MAP2: variants seen among roughly 807,000 people sequenced by gnomAD.
The protein encoded by MAP2 is microtubule-associated protein 2.
Under a neutral mutation model 137.6 loss-of-function variants are expected in MAP2, and 14 were observed. The observed-to-expected ratio is 0.10, with a 90% CI of 0.07 to 0.16. The LOEUF is 0.16. Ranked by LOEUF, MAP2 falls within the 10% of genes least tolerant of loss-of-function variation. The probability of loss-of-function intolerance (pLI) is 1.00; values close to 1 mark genes in which losing one functional copy is unlikely to be tolerated. For missense variants in MAP2, 2,088 were observed against 2,191.5 expected, an observed-to-expected ratio of 0.95 and a Z score of 0.94; for synonymous variants, 786 against 782.3, an observed-to-expected ratio of 1.00 and a Z score of -0.08.
intron 5 of MAP2, among the ~76,000 whole-genome samples, chr2:209,673,358 G>A (rs1452432472): frequency 6.6e-6 from 1 of 151,512 alleles, no homozygotes; most frequent in Non-Finnish European, 1.5e-5. Context: ...TTATCATATT[G>A]ACACTACCGA....
intron 3 of MAP2, among the ~76,000 whole-genome samples, chr2:209,584,161 T>G (rs1355640282): frequency 6.6e-6 from 1 of 152,050 alleles, no homozygotes; most frequent in Non-Finnish European, 1.5e-5. Flanking sequence ...TTATGGATAA[T>G]TTATTAAGGG....
At chr2:209,565,081 C>G (rs78734844) in intron 2 of MAP2, among the ~76,000 whole-genome samples, 2,995 of 152,304 alleles carry the variant, frequency 0.02, 94 homozygotes, top group African/African-American at 0.068. Flanking sequence ...GCTTCACTTT[C>G]ATTAGGCTTC....
At chr2:209,558,574 C>G (rs988300105) in intron 2 of MAP2, among the ~76,000 whole-genome samples, 1 of 151,402 alleles carries the variant, frequency 6.6e-6, no homozygotes, top group Non-Finnish European at 1.5e-5. Context: ...CAGACATTCT[C>G]ATTACTACAA....
intron 4 of MAP2, among the ~76,000 whole-genome samples, chr2:209,639,995 GAA>G (rs2093885367): frequency 6.6e-6 from 1 of 152,086 alleles, no homozygotes; most frequent in Non-Finnish European, 1.5e-5. Flanking sequence ...TATCTTTCTA[GAA>G]AGTGTTGCCT....
intron 3 of MAP2, among the ~76,000 whole-genome samples, chr2:209,591,628 A>T (rs538837342): frequency 1.3e-5 from 2 of 152,352 alleles, no homozygotes; most frequent in South Asian, 4.1e-4. Flanking sequence ...GGACCAAAAG[A>T]AAATGAAAGT....
intron 11 of MAP2, among the ~76,000 whole-genome samples, chr2:209,701,650 A>G (rs939117622): frequency 1.1e-4 from 17 of 151,992 alleles, no homozygotes; most frequent in African/African-American, 4.1e-4. Flanking sequence ...CATTTCTTTG[A>G]TCTTGAACCT....
intron 3 of MAP2, among the ~76,000 whole-genome samples, chr2:209,615,483 G>A (rs962792617): frequency 6.6e-6 from 1 of 152,202 alleles, no homozygotes; most frequent in Admixed American, 6.5e-5. Context: ...TAATACAGTA[G>A]TGCTAAGTGG....
intron 5 of MAP2, among the ~76,000 whole-genome samples, chr2:209,676,617 C>T (rs2051633570): frequency 6.6e-6 from 1 of 150,442 alleles, no homozygotes; most frequent in Admixed American, 6.7e-5. Flanking sequence ...CCATGTGAAC[C>T]AGCACAATTC....
chr2:209,435,997 C>T (rs11272042), intron 1 of MAP2, among the ~76,000 whole-genome samples: 58,538 of 76,646 alleles, frequency 0.76, 20,307 homozygotes, highest in South Asian at 0.83. Flanking sequence ...ATATTATATA[C>T]TATATATACA....
intron 7 of MAP2, among the ~76,000 whole-genome samples, chr2:209,683,900 G>A (rs2055896969): frequency 6.6e-6 from 1 of 151,784 alleles, no homozygotes; most frequent in Non-Finnish European, 1.5e-5. Flanking sequence ...TTTCCCAAAG[G>A]GGAAGCATGA....
chr2:209,679,226 C>T (rs1445144516), intron 6 of MAP2, among the ~76,000 whole-genome samples: 1 of 151,902 alleles, frequency 6.6e-6, no homozygotes, highest in East Asian at 1.9e-4. Context: ...TGCTCTCTCC[C>T]TTAGTAACAA....
chr2:209,604,612 G>A (rs572681033), intron 3 of MAP2, among the ~76,000 whole-genome samples: 11 of 152,088 alleles, frequency 7.2e-5, no homozygotes, highest in Non-Finnish European at 1.6e-4. Flanking sequence ...TATTTTAACC[G>A]AGTAACCCTA....
intron 3 of MAP2, among the ~76,000 whole-genome samples, chr2:209,603,139 GAGA>G (rs907215231): frequency 9.2e-5 from 14 of 152,178 alleles, no homozygotes; most frequent in African/African-American, 3.4e-4. Context: ...TAAGCTTGGA[GAGA>G]AGAATAGTTG....
chr2:209,496,860 A>G (rs1364531251), intron 1 of MAP2, among the ~76,000 whole-genome samples: 2 of 152,070 alleles, frequency 1.3e-5, no homozygotes, highest in East Asian at 1.9e-4. Flanking sequence ...CAGTGGTGCA[A>G]TCATAGCTCA....
intron 2 of MAP2, among the ~76,000 whole-genome samples, chr2:209,549,234 C>T (rs1303875694): frequency 6.6e-6 from 1 of 152,292 alleles, no homozygotes; most frequent in East Asian, 1.9e-4. Flanking sequence ...CTAAACCTAT[C>T]ACTGGGCAAG....
At chr2:209,493,719 A>C (rs2059407036) in intron 1 of MAP2, among the ~76,000 whole-genome samples, 1 of 152,262 alleles carries the variant, frequency 6.6e-6, no homozygotes, top group African/African-American at 2.4e-5. Flanking sequence ...AAAGCAAATC[A>C]AAACCACAAT....
rs570794154 is a variant in MAP2, at chr2:209,502,842, T to G, written c.-221-4750T>G. 2.9e-4 allele frequency among the ~76,000 whole-genome samples: 44 copies of G among 152,290 alleles called. 1 individual carries two copies. The highest frequency in any genetic ancestry group is 9.9e-4 in the African/African-American group (41 of 41,556). On this transcript the variant is annotated intron_variant, in intron 1 of 15. Transcript: ENST00000682079. Reference sequence around the variant, plus strand: ...TTCATTTCTCTGATGATTTCTGATATTAAACACCTTTTCATAAACTTGTTA... The same window carrying G: ...TTCATTTCTCTGATGATTTCTGATAGTAAACACCTTTTCATAAACTTGTTA...
intron 3 of MAP2, among the ~76,000 whole-genome samples, chr2:209,587,915 G>A (rs1395665433): frequency 1.3e-5 from 2 of 152,136 alleles, no homozygotes; most frequent in Non-Finnish European, 2.9e-5. Flanking sequence ...ATTTAAAATT[G>A]CAATGAAGTA....
At chr2:209,527,941 C>T (rs2064329490) in intron 2 of MAP2, among the ~76,000 whole-genome samples, 1 of 152,166 alleles carries the variant, frequency 6.6e-6, no homozygotes, top group Admixed American at 6.6e-5. Context: ...CCTGTAATTT[C>T]TCTGGGCATA....
Sources: allele counts gnomAD v4.1 joint callset (sites outside exome capture counted in the v4.1 genomes callset), GRCh38; gene constraint gnomAD v4.1.1; transcripts MANE v1.5; gene names NCBI Gene and HGNC (gene_info 2026-07-23, HGNC 2026-07-21).